AXDND1: variants seen among roughly 807,000 people sequenced by gnomAD.
AXDND1 encodes the protein axonemal dynein light chain domain containing 1.
Under a neutral mutation model 137.5 loss-of-function variants are expected in AXDND1, and 110 were observed. That is an observed-to-expected ratio of 0.80 (90% confidence interval 0.69 to 0.94). The LOEUF (loss-of-function observed/expected upper bound fraction) is 0.94, where lower values mean the gene tolerates loss of function less well. Among genes scored for constraint, AXDND1 ranks in the 40% least tolerant of loss-of-function variants. The pLI is 0.00. For missense variants in AXDND1, 1,191 were observed against 1,169.8 expected (o/e 1.02, Z -0.26); for synonymous variants, 414 against 399.7 (o/e 1.04, Z -0.43).
chr1:179,503,055 A>G (rs1476624962), intron 20 of AXDND1, among the ~76,000 whole-genome samples: 2 of 150,726 alleles, frequency 1.3e-5, no homozygotes, highest in Admixed American at 1.3e-4. Flanking sequence ...AGATCGTGCC[A>G]TTGCATTCTA....
chr1:179,374,875 A>G (rs1558085754), intron 4 of AXDND1, among the ~76,000 whole-genome samples: 1 of 151,808 alleles, frequency 6.6e-6, no homozygotes. Flanking sequence ...ACCTAATGTA[A>G]ATGATGAGTT....
At chr1:179,432,467 C>T in intron 15 of AXDND1, 125 bp downstream of exon 15, 2 of 1,311,516 alleles carry the variant, frequency 1.5e-6, no homozygotes, top group Non-Finnish European at 2.0e-6. Flanking sequence ...TCACTGTCGC[C>T]CAGGCTGGAG....
intron 20 of AXDND1, among the ~76,000 whole-genome samples, chr1:179,506,071 A>G (rs190767546): frequency 6.6e-6 from 1 of 152,304 alleles, no homozygotes; most frequent in Non-Finnish European, 1.5e-5. Context: ...ATCCAGTAAG[A>G]GTATACAAGA....
At chr1:179,368,615 T>A (rs1667709132) in intron 2 of AXDND1, among the ~76,000 whole-genome samples, 185 bp from the exon 3 acceptor site, 1 of 152,214 alleles carries the variant, frequency 6.6e-6, no homozygotes, top group South Asian at 2.1e-4. Context: ...GTAGGCAAGA[T>A]GAATGTTATT....
intron 25 of AXDND1, among the ~76,000 whole-genome samples, chr1:179,538,139 A>T (rs1285925087): frequency 6.6e-6 from 1 of 151,754 alleles, no homozygotes; most frequent in Non-Finnish European, 1.5e-5. Flanking sequence ...TTTTCATGAA[A>T]CCAGCTCCTG....
chr1:179,549,130 A>T (rs1412751009), intron 25 of AXDND1, among the ~76,000 whole-genome samples: 1 of 152,132 alleles, frequency 6.6e-6, no homozygotes, highest in Non-Finnish European at 1.5e-5. Flanking sequence ...AGGAAAAAAA[A>T]AACTATTCCT....
intron 18 of AXDND1, among the ~76,000 whole-genome samples, chr1:179,491,276 C>A (rs1666864715): frequency 6.6e-6 from 1 of 152,026 alleles, no homozygotes; most frequent in Non-Finnish European, 1.5e-5. Context: ...TATGCCTCTG[C>A]ACTCCAGCCT....
chr1:179,413,325 C>T (rs1654181839), intron 12 of AXDND1, among the ~76,000 whole-genome samples: 1 of 152,084 alleles, frequency 6.6e-6, no homozygotes, highest in African/African-American at 2.4e-5. Context: ...AAGGTTTGGG[C>T]TTCCAGTGAG....
At chr1:179,515,059 A>G (rs894902020) in intron 21 of AXDND1, among the ~76,000 whole-genome samples, 6 of 152,118 alleles carry the variant, frequency 3.9e-5, no homozygotes, top group Non-Finnish European at 5.9e-5. Context: ...TTTACATTCA[A>G]TGTTACTATT....
At chr1:179,503,019 CG>C (rs1285502596) in intron 20 of AXDND1, among the ~76,000 whole-genome samples, 1 of 151,062 alleles carries the variant, frequency 6.6e-6, no homozygotes, top group Non-Finnish European at 1.5e-5. Context: ...CACTTGAACC[CG>C]GGAGGCGGAG....
chr1:179,394,056 A>G lies in AXDND1; in HGVS notation c.1004+13A>G, dbSNP rs771708407. 121 of 1,584,622 alleles carry G rather than the reference A, an allele frequency of 7.6e-5. 1 individual carries two copies. The South Asian group carries it at 1.3e-3, about 18-fold the overall frequency. ...AAGAACTGACCAGGTAAAAACTGTG[A>G]TTATCTTAAACACAAAACAAAAGTC... On this transcript the variant is annotated intron_variant, in intron 10 of 25. Coordinates refer to ENST00000367618, the MANE Select transcript of AXDND1 (RefSeq NM_144696.6).
chr1:179,444,581 GTA>G (rs112544138), intron 15 of AXDND1, among the ~76,000 whole-genome samples: 3,544 of 152,030 alleles, frequency 0.023, 133 homozygotes, highest in African/African-American at 0.08. Flanking sequence ...AATACAACTT[GTA>G]TATTCTAGGA....
chr1:179,447,137 C>T (rs1659849625), intron 16 of AXDND1, among the ~76,000 whole-genome samples: 1 of 152,154 alleles, frequency 6.6e-6, no homozygotes, highest in African/African-American at 2.4e-5. Flanking sequence ...ACCCTTCTCT[C>T]CTATTGAATA....
chr1:179,489,338 A>G (rs566890698), intron 18 of AXDND1, among the ~76,000 whole-genome samples: 1 of 152,262 alleles, frequency 6.6e-6, no homozygotes, highest in Admixed American at 6.5e-5. Flanking sequence ...CTACCATTTA[A>G]TCTCTCTAAT....
At chr1:179,373,977 G>C (rs567147034) in intron 4 of AXDND1, among the ~76,000 whole-genome samples, 15 of 152,184 alleles carry the variant, frequency 9.9e-5, no homozygotes, top group African/African-American at 3.1e-4. Context: ...ATTGACAAAT[G>C]GTATCTAATT....
intron 16 of AXDND1, among the ~76,000 whole-genome samples, chr1:179,458,408 G>A (rs945386744): frequency 1.3e-5 from 2 of 152,036 alleles, no homozygotes; most frequent in African/African-American, 4.8e-5. Flanking sequence ...AATTGTTTAT[G>A]AACCCAGAAA....
At chr1:179,411,065 AC>A in intron 11 of AXDND1, 80 bp from the exon 12 acceptor site, 2 of 1,166,816 alleles carry the variant, frequency 1.7e-6, no homozygotes, top group Non-Finnish European at 2.4e-6. Flanking sequence ...CTATTTTAAA[AC>A]AAATTTCTTT....
chr1:179,404,722 G>T (rs1023392519), intron 11 of AXDND1, among the ~76,000 whole-genome samples: 3 of 151,968 alleles, frequency 2.0e-5, no homozygotes, highest in Non-Finnish European at 4.4e-5. Flanking sequence ...TTTCTTTTTT[G>T]TTGTTGTGTC....
chr1:179,437,219 A>T (rs563371507), intron 15 of AXDND1, among the ~76,000 whole-genome samples: 88 of 152,240 alleles, frequency 5.8e-4, no homozygotes, highest in Non-Finnish European at 1.2e-3. Context: ...GGTCGGGGGC[A>T]CCTTGCCTCT....
Sources: allele counts gnomAD v4.1 joint callset (sites outside exome capture counted in the v4.1 genomes callset), GRCh38; gene constraint gnomAD v4.1.1; transcripts MANE v1.5; gene names NCBI Gene and HGNC (gene_info 2026-07-23, HGNC 2026-07-21).